The following RELB variants were observed in gnomAD, a reference collection of about 807,000 sequenced individuals.
RELB encodes transcription factor RelB.
Under a neutral mutation model 55.4 loss-of-function variants are expected in RELB, and 14 were observed. The observed-to-expected ratio is 0.25, with a 90% CI of 0.17 to 0.40. The LOEUF is 0.40. Ranked by LOEUF, RELB falls within the 10% of genes least tolerant of loss-of-function variation. RELB has a pLI of 1.00. For synonymous variants in RELB, 409 were observed against 371.3 expected (o/e 1.10, Z -1.17); for missense variants, 669 against 830.7 (o/e 0.81, Z 2.39).
chr19:45,003,474 CAAAAAAAAAAAAAA>C (rs55717847), intron 2 of RELB: 1 of 276,568 alleles, frequency 3.6e-6, no homozygotes, highest in Non-Finnish European at 6.6e-6. Context: ...GACTCCGACT[CAAAAAAAAAAAAAA>C]AAAAAAAAAA....
chr19:45,032,041 T>C (rs902537938), intron 8 of RELB, among the ~76,000 whole-genome samples: 1 of 150,378 alleles, frequency 6.6e-6, no homozygotes, highest in African/African-American at 2.4e-5. Context: ...AGCGAGACCA[T>C]CCTGGCCAAC....
intron 8 of RELB, among the ~76,000 whole-genome samples, chr19:45,030,593 T>C (rs1309231155): frequency 6.6e-6 from 1 of 152,020 alleles, no homozygotes; most frequent in Non-Finnish European, 1.5e-5. Flanking sequence ...GATCATGCCA[T>C]TGCACACCAG....
intron 1 of RELB, among the ~76,000 whole-genome samples, chr19:45,002,207 G>A (rs1288735161): frequency 1.3e-5 from 2 of 151,316 alleles, no homozygotes; most frequent in East Asian, 1.9e-4. Context: ...GAGGGGAAGG[G>A]CCTGTTACCC....
chr19:45,008,798 G>A (rs1450746280), intron 2 of RELB: 2 of 305,354 alleles, frequency 6.5e-6, no homozygotes, highest in South Asian at 2.8e-5. Context: ...GCTGCCTTCC[G>A]TTGCTGTGTG....
At chr19:45,029,371 C>T (rs1971594725) in intron 8 of RELB, among the ~76,000 whole-genome samples, 1 of 152,032 alleles carries the variant, frequency 6.6e-6, no homozygotes, top group South Asian at 2.1e-4. Context: ...GAAGCAACTC[C>T]ACTTCATTCA....
In RELB at chr19:45,034,252, G is replaced by A. The variant is rs770432794; in HGVS notation, c.1216G>A (p.Gly406Ser). ...TYLPRDHDSY[G>S]VDKKRKRGMP... Reference sequence around the variant, plus strand: ...TGGTATCTCCTTAACAGACAGCTACGGCGTGGACAAGAAGCGGAAACGGGG... The same window carrying A: ...TGGTATCTCCTTAACAGACAGCTACAGCGTGGACAAGAAGCGGAAACGGGG... The change falls in exon 10 of 12, where the codon GGC (glycine) becomes AGC (serine). Residue 406 changes from glycine (G) to serine (S), a missense_variant. Gly to Ser is a moderately conservative substitution (Grantham distance 56). Around this residue, in one of 3 missense-constraint regions of RELB, gnomAD observed 341 missense variants for 436.8 expected, o/e 0.78. Transcript: ENST00000221452. 7 of 1,613,564 alleles carry A rather than the reference G, an allele frequency of 4.3e-6. No individual in the cohort carries two copies. The highest frequency in any genetic ancestry group is 1.1e-5 in the South Asian group (1 of 91,088).
rs1568395564 is a variant in RELB at position 45,003,906 on chromosome 19, G to GTT, written c.154+915_154+916dup. Among the ~76,000 whole-genome samples, 71 of 62,530 alleles carry GTT rather than the reference G, an allele frequency of 1.1e-3. 3 individuals carry two copies. The highest frequency in any genetic ancestry group is 3.7e-3 in the African/African-American group (69 of 18,408). 41.0% of individuals were successfully genotyped at this position (62,530 alleles called of 152,430 possible). A position where few individuals can be genotyped will look rare whatever the true frequency, so the allele number is the denominator to read the frequency against. On this transcript the variant is annotated intron_variant, in intron 2 of 11. Transcript: ENST00000221452. ...GTGTGTGTGTGGGTTTTTTTTGTCTGTTTTTTGTGTTTTTTTTTTTTTTTT... is the reference window on the plus strand; with the variant it reads ...GTGTGTGTGTGGGTTTTTTTTGTCTGTTTTTTTTGTGTTTTTTTTTTTTTTTT...
At position 45,012,178 on chromosome 19, in the gene RELB, C is replaced by T; in HGVS notation, c.406C>T (p.Arg136Cys). Residue 136 changes from arginine to cysteine, a missense_variant, in exon 4 of 12, where the codon CGC (arginine) becomes TGC (cysteine). Transcript: ENST00000221452. ...HLVITEQPKQ[R>C]GMRFRYECEG... is the part of the protein sequence containing the mutation. ...GGTCATCACGGAGCAGCCCAAGCAG[C>T]GCGGCATGCGCTTCCGCTACGAGTG... 1.3e-6 allele frequency: 2 copies of T among 1,546,856 alleles called. No individual in the cohort carries two copies. Among genetic ancestry groups the T allele is most frequent in the Non-Finnish European group, 1.7e-6 (2 of 1,158,034 alleles).
At chr19:45,024,910 A>G (rs1971539079) in intron 5 of RELB, among the ~76,000 whole-genome samples, 1 of 151,652 alleles carries the variant, frequency 6.6e-6, no homozygotes, top group Non-Finnish European at 1.5e-5. Flanking sequence ...CCCAGGCTGG[A>G]GTGCAGTGGC....
At chr19:45,032,050 A>G (rs945722379) in intron 8 of RELB, among the ~76,000 whole-genome samples, 5 of 150,900 alleles carry the variant, frequency 3.3e-5, no homozygotes, top group African/African-American at 4.9e-5. Flanking sequence ...ATCCTGGCCA[A>G]CGTGGTGAAA....
chr19:45,031,022 G>A (rs189194902), intron 8 of RELB, among the ~76,000 whole-genome samples: 9 of 152,228 alleles, frequency 5.9e-5, no homozygotes, highest in Middle Eastern at 3.4e-3. Context: ...TAGAGTTGTT[G>A]TGTGACTTAG....
At chr19:45,006,662 A>G (rs1424693113) in intron 2 of RELB, among the ~76,000 whole-genome samples, 1 of 151,864 alleles carries the variant, frequency 6.6e-6, no homozygotes, top group Non-Finnish European at 1.5e-5. Flanking sequence ...CATCAGCGCC[A>G]TGAAAATGAT....
intron 1 of RELB, 45 bp downstream of exon 1, chr19:45,001,730 G>C (rs770631049): frequency 1.6e-6 from 2 of 1,290,170 alleles, no homozygotes; most frequent in South Asian, 2.7e-5. Context: ...GGCGGGGCTG[G>C]AGATGCGGGG....
chr19:45,011,893 T>C (rs1197680858), intron 3 of RELB, 43 bp from the exon 4 acceptor site: 1 of 1,324,408 alleles, frequency 7.6e-7, no homozygotes, highest in Non-Finnish European at 9.9e-7. Context: ...TTTTTAATTT[T>C]TTAAAGAATG....
At chr19:45,034,551 C>T (rs1355684435) in intron 11 of RELB, 23 bp downstream of exon 11, 2 of 1,569,832 alleles carry the variant, frequency 1.3e-6, no homozygotes, top group African/African-American at 2.7e-5. Flanking sequence ...TACACATAAG[C>T]CCCTGTCCCC....
At chr19:45,018,411 TA>T (rs1292946996) in intron 4 of RELB, among the ~76,000 whole-genome samples, 1 of 151,040 alleles carries the variant, frequency 6.6e-6, no homozygotes, top group African/African-American at 2.4e-5. Flanking sequence ...CTCAAAAAAG[TA>T]AAATAAAATA....
intron 5 of RELB, among the ~76,000 whole-genome samples, chr19:45,023,917 A>G (rs1379957777): frequency 3.5e-5 from 5 of 142,338 alleles, no homozygotes; most frequent in Non-Finnish European, 7.6e-5. Flanking sequence ...CACCTGGCTA[A>G]TTTTTGTATT....
chr19:45,037,357 A>G, intron 11 of RELB, 48 bp from the exon 12 acceptor site: 4 of 1,483,090 alleles, frequency 2.7e-6, no homozygotes, highest in Non-Finnish European at 3.6e-6. Flanking sequence ...GCCTGATCAG[A>G]AGTTAGCCCT....
intron 2 of RELB, among the ~76,000 whole-genome samples, chr19:45,006,618 T>C (rs1432681496): frequency 1.3e-5 from 2 of 152,050 alleles, no homozygotes; most frequent in African/African-American, 2.4e-5. Flanking sequence ...GAGACAGGTA[T>C]GAGTCAGTGT....
Sources: allele counts gnomAD v4.1 joint callset (sites outside exome capture counted in the v4.1 genomes callset), GRCh38; gene constraint gnomAD v4.1.1; regional missense constraint gnomAD v4.1.1; transcripts MANE v1.5; gene names NCBI Gene and HGNC (gene_info 2026-07-23, HGNC 2026-07-21).